Variants in SLC24A4 observed in about 807,000 individuals in gnomAD.
The protein encoded by SLC24A4 is sodium/potassium/calcium exchanger 4.
A neutral mutation model predicts 79.0 loss-of-function variants in SLC24A4; 53 were observed. That is an observed-to-expected ratio of 0.67 (90% CI 0.54 to 0.84). The LOEUF (loss-of-function observed/expected upper bound fraction) is 0.84. SLC24A4 is among the 40% of genes least tolerant of loss of function. SLC24A4 has a pLI of 0.00. For missense variants in SLC24A4, 731 were observed against 822.0 expected (o/e 0.89, Z 1.35); for synonymous variants, 323 against 323.8 (o/e 1.00, Z 0.03).
intron 2 of SLC24A4, among the ~76,000 whole-genome samples, chr14:92,391,214 T>C (rs78517099): frequency 0.013 from 2,013 of 152,286 alleles, 42 homozygotes; most frequent in African/African-American, 0.046. Context: ...GGAGGGCAGC[T>C]AGCTACACCT....
chr14:92,477,864 C>T (rs935588870), intron 12 of SLC24A4, among the ~76,000 whole-genome samples: 3 of 150,084 alleles, frequency 2.0e-5, no homozygotes, highest in African/African-American at 7.4e-5. Context: ...CTCACTGCAA[C>T]CTCTGCCTTC....
At chr14:92,357,438 GC>G (rs533097235) in intron 2 of SLC24A4, among the ~76,000 whole-genome samples, 767 of 152,334 alleles carry the variant, frequency 5.0e-3, no homozygotes, top group Admixed American at 8.2e-3. Context: ...GGTAGAAACA[GC>G]TTATGTGTCT....
intron 2 of SLC24A4, among the ~76,000 whole-genome samples, chr14:92,391,842 C>T (rs1460623678): frequency 6.6e-6 from 1 of 152,232 alleles, no homozygotes; most frequent in Non-Finnish European, 1.5e-5. Flanking sequence ...GCTGGGTTCC[C>T]AGCCCACCGC....
chr14:92,424,219 GTCTC>G (rs994994797), intron 2 of SLC24A4, among the ~76,000 whole-genome samples: 1 of 152,144 alleles, frequency 6.6e-6, no homozygotes, highest in Non-Finnish European at 1.5e-5. Flanking sequence ...ACTGAATTGT[GTCTC>G]TCTAAGTTCG....
chr14:92,365,014 A>G (rs966096019), intron 2 of SLC24A4, among the ~76,000 whole-genome samples: 3 of 152,030 alleles, frequency 2.0e-5, no homozygotes, highest in African/African-American at 7.2e-5. Context: ...ATCCTTCCAG[A>G]TGAACTTATG....
chr14:92,417,256 C>G (rs1044109230), intron 2 of SLC24A4, among the ~76,000 whole-genome samples: 8 of 152,194 alleles, frequency 5.3e-5, no homozygotes, highest in Non-Finnish European at 8.8e-5. Context: ...CTAGTGACGT[C>G]TTGCTAGTCC....
At chr14:92,383,421 G>T (rs1329140462) in intron 2 of SLC24A4, among the ~76,000 whole-genome samples, 1 of 152,038 alleles carries the variant, frequency 6.6e-6, no homozygotes, top group Non-Finnish European at 1.5e-5. Flanking sequence ...CTTTGCATGT[G>T]CTGCGCCCCT....
chr14:92,358,694 T>G (rs899272184), intron 2 of SLC24A4, among the ~76,000 whole-genome samples: 9 of 139,082 alleles, frequency 6.5e-5, no homozygotes, highest in African/African-American at 2.5e-4. Context: ...CCACATCTAC[T>G]CTTTTTTTTT....
At chr14:92,385,613 G>A (rs56176704) in intron 2 of SLC24A4, among the ~76,000 whole-genome samples, 35,908 of 152,088 alleles carry the variant, frequency 0.24, 4,598 homozygotes, top group African/African-American at 0.33. Flanking sequence ...GGGCTGTCAG[G>A]TAGTTCCTAT....
At chr14:92,351,963 AAGAG>A (rs1886919756) in intron 2 of SLC24A4, among the ~76,000 whole-genome samples, 1 of 140,070 alleles carries the variant, frequency 7.1e-6, no homozygotes, top group Non-Finnish European at 1.6e-5. Context: ...GAGAAAGAGT[AAGAG>A]AGAAAGAAAG....
At chr14:92,433,891 C>G (rs1038175343) in intron 2 of SLC24A4, 21 bp from the exon 3 acceptor site, 1 of 1,607,950 alleles carries the variant, frequency 6.2e-7, no homozygotes, top group Non-Finnish European at 8.5e-7. Flanking sequence ...TAACACTCTG[C>G]CATCTCTTCC....
Position 92,441,023 on chromosome 14 carries a change from T to C in SLC24A4, c.394-1066T>C, listed in dbSNP as rs1300518704. On this transcript the variant is annotated intron_variant, in intron 4 of 16. Transcript: ENST00000532405. The surrounding 1 kb of genome is among the most constrained non-coding windows in gnomAD (Gnocchi z 4.6). ...GTGGAACCGTGCTTTTTGGCAGGGT[T>C]AAGGTGGCCGGCTTCTGCCCTGGAG... 6.6e-6 allele frequency among the ~76,000 whole-genome samples: 1 copy of C among 152,012 alleles called. No individual in the cohort carries two copies. The highest frequency in any genetic ancestry group is 1.5e-5 in the Non-Finnish European group (1 of 67,980).
intron 12 of SLC24A4, among the ~76,000 whole-genome samples, chr14:92,475,872 A>C (rs753503393): frequency 1.1e-4 from 16 of 152,198 alleles, no homozygotes; most frequent in Non-Finnish European, 1.5e-4. Flanking sequence ...GTTGCCCTTC[A>C]CTAAATTGAT....
intron 2 of SLC24A4, among the ~76,000 whole-genome samples, chr14:92,339,400 G>T (rs1163810732): frequency 6.6e-6 from 1 of 152,234 alleles, no homozygotes; most frequent in Non-Finnish European, 1.5e-5. Context: ...TGTCCTAAGT[G>T]CTTTGCACAC....
chr14:92,367,954 A>T (rs1259240772), intron 2 of SLC24A4, among the ~76,000 whole-genome samples: 1 of 152,250 alleles, frequency 6.6e-6, no homozygotes, highest in African/African-American at 2.4e-5. Flanking sequence ...CATATTTTTT[A>T]AAAAGTTAAA....
At chr14:92,446,488 C>A (rs1892804002) in intron 8 of SLC24A4, among the ~76,000 whole-genome samples, 2 of 152,176 alleles carry the variant, frequency 1.3e-5, no homozygotes, top group African/African-American at 4.8e-5. Flanking sequence ...ACATCAGCCA[C>A]CTGCCCTGAG....
intron 2 of SLC24A4, among the ~76,000 whole-genome samples, chr14:92,403,913 G>T (rs1262790599): frequency 7.1e-6 from 1 of 141,068 alleles, no homozygotes; most frequent in Non-Finnish European, 1.5e-5. Flanking sequence ...CTTCAGTGCT[G>T]CTGATGCCCA....
chr14:92,419,719 T>C (rs1431716838), intron 2 of SLC24A4, among the ~76,000 whole-genome samples: 1 of 152,256 alleles, frequency 6.6e-6, no homozygotes, highest in East Asian at 1.9e-4. Context: ...TGACAACTGC[T>C]CTGTTATTCC....
chr14:92,444,162 A>T (rs1892659388), intron 7 of SLC24A4, among the ~76,000 whole-genome samples: 2 of 152,206 alleles, frequency 1.3e-5, no homozygotes, highest in East Asian at 3.9e-4. Context: ...TTCTACAGAT[A>T]AAACAATCTA....
Sources: gnomAD v4.1 joint callset for allele counts (sites outside exome capture counted in the v4.1 genomes callset) on GRCh38, gnomAD v4.1.1 for gene constraint, Gnocchi (gnomAD v3.1) non-coding constraint, MANE v1.5 for transcripts, NCBI Gene and HGNC (gene_info 2026-07-23, HGNC 2026-07-21) for gene names.